The following MERTK variants were observed in gnomAD, a reference collection of about 807,000 sequenced individuals.
MERTK encodes the protein tyrosine-protein kinase Mer.
Under a neutral mutation model 99.3 loss-of-function variants are expected in MERTK, and 69 were observed. That is an observed-to-expected ratio of 0.70 (90% confidence interval 0.57 to 0.85). MERTK has a LOEUF of 0.85. Among genes scored for constraint, MERTK ranks in the 40% least tolerant of loss-of-function variants. The pLI is 0.00. For missense variants in MERTK, 1,125 were observed against 1,249.4 expected, an observed-to-expected ratio of 0.90 and a Z score of 1.50; for synonymous variants, 426 against 467.6, an observed-to-expected ratio of 0.91 and a Z score of 1.15.
chr2:111,923,065 G>A (rs1573573063), intron 1 of MERTK, among the ~76,000 whole-genome samples: 1 of 152,244 alleles, frequency 6.6e-6, no homozygotes, highest in South Asian at 2.1e-4. Flanking sequence ...TCCTTGCCTG[G>A]ACCACCTCTC....
chr2:111,917,742 G>A (rs999059317), intron 1 of MERTK, among the ~76,000 whole-genome samples: 15 of 152,046 alleles, frequency 9.9e-5, no homozygotes, highest in African/African-American at 2.4e-4. Flanking sequence ...AAAATTAGCT[G>A]GGCGTGGTAG....
intron 2 of MERTK, among the ~76,000 whole-genome samples, chr2:111,939,015 A>T (rs1191558676): frequency 6.6e-6 from 1 of 152,188 alleles, no homozygotes; most frequent in Non-Finnish European, 1.5e-5. Flanking sequence ...ATCATGTAAT[A>T]TGCTATAATT....
intron 4 of MERTK, among the ~76,000 whole-genome samples, chr2:111,949,610 A>G (rs1174930654): frequency 6.6e-6 from 1 of 152,200 alleles, no homozygotes; most frequent in Non-Finnish European, 1.5e-5. Flanking sequence ...AAATTGACAT[A>G]CAATTAAGTG....
In MERTK at chr2:111,901,057, C is replaced by T. The variant is rs766445484; in HGVS notation, c.61+2261C>T. ...CCCCCCAACACACATACACACTACA[C>T]GTCTCACAAAGACATGCACACACAG... is the stretch of plus-strand genomic sequence containing the variant. On this transcript the variant is annotated intron_variant, in intron 1 of 18. Transcript: ENST00000295408. 5.9e-5 allele frequency among the ~76,000 whole-genome samples: 9 copies of T among 152,148 alleles called. No individual in the cohort carries two copies. The South Asian group carries it at 1.7e-3, about 28-fold the overall frequency.
intron 1 of MERTK, among the ~76,000 whole-genome samples, chr2:111,916,408 T>C (rs1684350782): frequency 6.6e-6 from 1 of 152,218 alleles, no homozygotes; most frequent in African/African-American, 2.4e-5. Context: ...TTTCAGTCTC[T>C]TCTCATGGTC....
At chr2:111,908,980 AAAG>A (rs1274984939) in intron 1 of MERTK, among the ~76,000 whole-genome samples, 1 of 152,252 alleles carries the variant, frequency 6.6e-6, no homozygotes, top group Non-Finnish European at 1.5e-5. Flanking sequence ...ATATTTCTCA[AAAG>A]AAGAAATACA....
chr2:111,932,642 A>G (rs913918455), intron 2 of MERTK, among the ~76,000 whole-genome samples: 2 of 152,248 alleles, frequency 1.3e-5, no homozygotes, highest in African/African-American at 4.8e-5. Context: ...GAGGAAAGAA[A>G]CATGAAATGC....
chr2:112,013,072 C>A (rs1463956677), intron 15 of MERTK, among the ~76,000 whole-genome samples: 2 of 151,952 alleles, frequency 1.3e-5, no homozygotes, highest in African/African-American at 2.4e-5. Flanking sequence ...CTAGGGACAG[C>A]TTAAGTGATC....
At chr2:112,005,071 CT>C (rs1553457419) in intron 13 of MERTK, among the ~76,000 whole-genome samples, 7 of 149,126 alleles carry the variant, frequency 4.7e-5, no homozygotes, top group African/African-American at 4.9e-5. Context: ...CAAATACTTT[CT>C]TTTTTTTTTA....
intron 4 of MERTK, among the ~76,000 whole-genome samples, chr2:111,951,447 A>G (rs1296740392): frequency 4.7e-5 from 7 of 149,630 alleles, no homozygotes; most frequent in African/African-American, 1.5e-4. Context: ...TTCACTTAGC[A>G]TAATGTCTTC....
chr2:111,988,072 A>T (rs965542850), intron 8 of MERTK, among the ~76,000 whole-genome samples: 1 of 150,508 alleles, frequency 6.6e-6, no homozygotes, highest in Non-Finnish European at 1.5e-5. Context: ...TCACTGCAAC[A>T]TCTGCCTCCC....
In MERTK at chr2:112,009,935, T is replaced by A. The variant is rs775571687; in HGVS notation, c.1961-13T>A. 1 of 1,575,026 alleles carries A rather than the reference T, an allele frequency of 6.3e-7. No individual in the cohort carries two copies. The highest frequency in any genetic ancestry group is 1.7e-5 in the Admixed American group (1 of 59,960). On this transcript the variant is annotated splice_polypyrimidine_tract_variant and intron_variant, in intron 14 of 18. Coordinates refer to ENST00000295408, the MANE Select transcript of MERTK (RefSeq NM_006343.3). ...AGGACTCTTTGTAATTGATGCTGTG[T>A]TTGTAATTTCAGGTGTGTGTATAGA...
At chr2:112,010,335 G>A in intron 15 of MERTK, 1 of 398,538 alleles carries the variant, frequency 2.5e-6, no homozygotes, top group Non-Finnish European at 4.8e-6. Flanking sequence ...GGGTGGCCCA[G>A]GCTCCTGGTT....
chr2:111,937,767 C>T (rs574501091), intron 2 of MERTK, among the ~76,000 whole-genome samples: 1 of 152,318 alleles, frequency 6.6e-6, no homozygotes, highest in South Asian at 2.1e-4. Context: ...TGACTTGCGA[C>T]CTGTTCACAA....
chr2:111,898,871 G>A lies in MERTK; in HGVS notation c.61+75G>A. 3 of 1,457,106 alleles carry A rather than the reference G, an allele frequency of 2.1e-6. No homozygotes were observed. In the South Asian group the frequency reaches 3.8e-5, roughly 19 times the overall value. The allele number at this position is 1,457,106 out of a possible 1,614,324, so 90.3% of individuals were successfully genotyped here. A position where few individuals can be genotyped will look rare whatever the true frequency, so the allele number is the denominator to read the frequency against. On this transcript the variant is annotated intron_variant, in intron 1 of 18. Transcript: ENST00000295408. ...GGAAGCAGGGGCCTCTGGGGAGGGA[G>A]CGCGTCCACAGGGGCGCGCCTGGCT...
chr2:111,959,811 A>T (rs1205747353), intron 4 of MERTK, among the ~76,000 whole-genome samples: 1 of 152,190 alleles, frequency 6.6e-6, no homozygotes, highest in Non-Finnish European at 1.5e-5. Context: ...ATCCTTTTAC[A>T]GTCATAAGTT....
intron 2 of MERTK, among the ~76,000 whole-genome samples, chr2:111,939,181 TGC>T (rs1239222290): frequency 1.3e-5 from 2 of 152,172 alleles, no homozygotes; most frequent in African/African-American, 4.8e-5. Flanking sequence ...TTCTTGCTGA[TGC>T]GACTCTGCGG....
intron 8 of MERTK, among the ~76,000 whole-genome samples, chr2:111,984,469 T>C (rs936931187): frequency 6.6e-6 from 1 of 152,120 alleles, no homozygotes; most frequent in African/African-American, 2.4e-5. Flanking sequence ...AAAGATAACA[T>C]GAGAGAAGGC....
chr2:111,933,026 C>T (rs1290256172), intron 2 of MERTK, among the ~76,000 whole-genome samples: 1 of 152,178 alleles, frequency 6.6e-6, no homozygotes. Context: ...GGTTTTTAAT[C>T]AAGGTGAACT....
Sources: allele counts gnomAD v4.1 joint callset (sites outside exome capture counted in the v4.1 genomes callset), GRCh38; gene constraint gnomAD v4.1.1; transcripts MANE v1.5; gene names NCBI Gene and HGNC (gene_info 2026-07-23, HGNC 2026-07-21).